Variants in PLCE1 observed in about 807,000 individuals in gnomAD.
PLCE1 encodes phospholipase C epsilon 1, also known as 1-phosphatidylinositol 4,5-bisphosphate phosphodiesterase epsilon-1.
In PLCE1, 119 loss-of-function variants were observed where a neutral mutation model predicts 242.8. The observed-to-expected ratio is 0.49, with a 90% CI of 0.42 to 0.57. PLCE1 has a LOEUF of 0.57. Ranked by LOEUF, PLCE1 falls within the 20% of genes least tolerant of loss-of-function variation. The pLI, the probability that PLCE1 is intolerant of heterozygous loss-of-function variation, is 0.00. For synonymous variants in PLCE1, 945 were observed against 1,017.4 expected (o/e 0.93, Z 1.35); for missense variants, 2,441 against 2,788.8 (o/e 0.88, Z 2.81).
intron 19 of PLCE1, among the ~76,000 whole-genome samples, chr10:94,276,876 C>T (rs1297394798): frequency 4.6e-5 from 7 of 152,198 alleles, no homozygotes; most frequent in Admixed American, 4.6e-4. Flanking sequence ...TTTTCTAAGA[C>T]TGCTTGCAAC....
intron 2 of PLCE1, among the ~76,000 whole-genome samples, chr10:94,122,484 TAAGCTGG>T (rs1423706860): frequency 6.6e-6 from 1 of 152,226 alleles, no homozygotes; most frequent in Non-Finnish European, 1.5e-5. Context: ...TTGGAAATAT[TAAGCTGG>T]AAGCATCACT....
intron 7 of PLCE1, among the ~76,000 whole-genome samples, chr10:94,241,880 A>G (rs1157731690): frequency 1.3e-5 from 2 of 152,162 alleles, no homozygotes; most frequent in Admixed American, 6.5e-5. Flanking sequence ...AAAAGTGCAA[A>G]GAATTGGTCT....
chr10:94,312,487 C>A (rs978639793), intron 27 of PLCE1, among the ~76,000 whole-genome samples: 1 of 152,216 alleles, frequency 6.6e-6, no homozygotes, highest in Non-Finnish European at 1.5e-5. Context: ...TTGGGGTTCT[C>A]TTGTCTCATT....
chr10:94,235,871 G>A, intron 6 of PLCE1, 44 bp from the exon 7 acceptor site: 5 of 1,541,862 alleles, frequency 3.2e-6, no homozygotes, highest in African/African-American at 2.7e-5. Flanking sequence ...ATGTTATCCA[G>A]GCATATTAAG....
intron 2 of PLCE1, chr10:94,089,416 T>C (rs1253793993): frequency 2.0e-6 from 3 of 1,485,458 alleles, no homozygotes; most frequent in South Asian, 1.3e-5. Flanking sequence ...CCAGTGTTCT[T>C]AATGCATGGA....
chr10:94,032,291 T>G, intron 2 of PLCE1, 39 bp downstream of exon 2: 1 of 1,601,714 alleles, frequency 6.2e-7, no homozygotes, highest in Middle Eastern at 1.7e-4. Flanking sequence ...TCTTTAAACT[T>G]GCTTTTTTTT....
At position 94,058,031 on chromosome 10, in the gene PLCE1, C is replaced by A. The variant is rs114112257; in HGVS notation, c.1206+25779C>A. 9.5e-3 allele frequency among the ~76,000 whole-genome samples: 1,448 copies of A among 152,222 alleles called. 17 individuals carry two copies. Among genetic ancestry groups the A allele is most frequent in the African/African-American group, 0.032 (1,322 of 41,508 alleles). On this transcript the variant is annotated intron_variant, in intron 2 of 32. Transcript: ENST00000371380. ...CAGTGAACTAGATTAATTTTAAGAA[C>A]CTTCTAGGTATAATATTTTCAGTTT... is the stretch of plus-strand genomic sequence containing the variant.
At chr10:94,083,724 T>C (rs1336147980) in intron 2 of PLCE1, among the ~76,000 whole-genome samples, 4 of 152,244 alleles carry the variant, frequency 2.6e-5, no homozygotes, top group Non-Finnish European at 4.4e-5. Context: ...ATTATCCTAA[T>C]TTTAAGATCA....
chr10:94,171,182 C>T lies in PLCE1; in HGVS notation c.1495C>T (p.Arg499Cys), dbSNP rs61751493. 2.1e-3 allele frequency: 3,392 copies of T among 1,613,902 alleles called. 3 individuals carry two copies. Among genetic ancestry groups the T allele is most frequent in the Non-Finnish European group, 2.7e-3 (3,146 of 1,179,812 alleles). ...CGACTTCTGTTGCTTTGTTTTAGAA[C>T]GCCAGCCAGGCCCCTCTGTGGCCAA... ...GSTGRMMLKE[R>C]QPGPSVANSN... is the part of the protein sequence containing the mutation. Residue 499 changes from arginine to cysteine, a missense_variant and splice_region_variant, in exon 4 of 33, where the codon CGC becomes TGC. Physicochemically the swap from Arg to Cys is radical, Grantham distance 180. Around this residue, in one of 5 missense-constraint regions of PLCE1, gnomAD observed 733 missense variants for 754.2 expected, o/e 0.97. Transcript: ENST00000371380.
intron 27 of PLCE1, among the ~76,000 whole-genome samples, chr10:94,310,840 T>C (rs529769811): frequency 9.9e-5 from 15 of 152,244 alleles, no homozygotes; most frequent in African/African-American, 3.6e-4. Context: ...AGAGTTGGTG[T>C]CAGATCCCAC....
At chr10:94,079,043 G>A (rs1219504054) in intron 2 of PLCE1, among the ~76,000 whole-genome samples, 1 of 152,122 alleles carries the variant, frequency 6.6e-6, no homozygotes, top group Admixed American at 6.5e-5. Flanking sequence ...TTTCCCCAAT[G>A]TGGACAGAGT....
At chr10:94,293,447 A>G in intron 22 of PLCE1, 61 bp from the exon 23 acceptor site, 5 of 1,577,040 alleles carry the variant, frequency 3.2e-6, no homozygotes, top group South Asian at 1.1e-5. Context: ...ATGGGGATGG[A>G]AAATGTTGAG....
intron 22 of PLCE1, 115 bp from the exon 23 acceptor site, chr10:94,293,393 G>T (rs940793246): frequency 8.6e-7 from 1 of 1,167,906 alleles, no homozygotes; most frequent in Non-Finnish European, 1.3e-6. Context: ...TAGGGTTTCT[G>T]TACTAGGTTC....
At chr10:94,110,383 G>A (rs1396733510) in intron 2 of PLCE1, among the ~76,000 whole-genome samples, 3 of 152,026 alleles carry the variant, frequency 2.0e-5, no homozygotes, top group Non-Finnish European at 4.4e-5. Flanking sequence ...TTTTCTAAGG[G>A]TTGTCAAGGA....
At position 94,132,402 on chromosome 10, in the gene PLCE1, G is replaced by A. The variant is rs1412024507; in HGVS notation, c.1435G>A (p.Ala479Thr). 7 of 1,614,060 alleles carry A rather than the reference G, an allele frequency of 4.3e-6. No individual in the cohort carries two copies. The East Asian group carries it at 1.3e-4, about 31-fold the overall frequency. Residue 479 changes from alanine to threonine, a missense_variant, in exon 3 of 33, where the codon GCA (alanine) becomes ACA (threonine). By Grantham distance (58) the Ala-to-Thr change is moderately conservative. Coordinates refer to ENST00000371380, the MANE Select transcript of PLCE1 (RefSeq NM_016341.4). ...SLLEATTSLG[A>T]RSGLLSTFGG... Reference sequence around the variant, plus strand: ...CCTAGAAGCAACCACGTCTTTGGGAGCAAGAAGTGGCCTTCTCAGTACTTT... The same window carrying A: ...CCTAGAAGCAACCACGTCTTTGGGAACAAGAAGTGGCCTTCTCAGTACTTT...
intron 24 of PLCE1, among the ~76,000 whole-genome samples, chr10:94,303,889 T>C (rs1290715634): frequency 1.3e-5 from 2 of 152,144 alleles, no homozygotes; most frequent in Non-Finnish European, 2.9e-5. Context: ...CAATACAGTA[T>C]GGCAACCATT....
intron 2 of PLCE1, among the ~76,000 whole-genome samples, chr10:94,115,942 ACACT>A (rs1379235369): frequency 1.3e-5 from 2 of 152,102 alleles, no homozygotes; most frequent in African/African-American, 4.8e-5. Context: ...CATGCAAGAG[ACACT>A]CAATGCAACA....
chr10:94,137,458 C>CA (rs947398114), intron 3 of PLCE1, among the ~76,000 whole-genome samples: 3 of 147,252 alleles, frequency 2.0e-5, no homozygotes, highest in Non-Finnish European at 4.5e-5. Context: ...CTAAAAATGG[C>CA]AAAATTAGAA....
intron 1 of PLCE1, among the ~76,000 whole-genome samples, chr10:94,012,036 C>T (rs1178808313): frequency 1.3e-5 from 2 of 152,180 alleles, no homozygotes; most frequent in East Asian, 3.9e-4. Context: ...TCTTCATCAG[C>T]ACTGATGTAG....
Sources: gnomAD v4.1 joint callset for allele counts (sites outside exome capture counted in the v4.1 genomes callset) on GRCh38, gnomAD v4.1.1 for gene constraint, gnomAD v4.1.1 regional missense constraint, MANE v1.5 for transcripts, NCBI Gene and HGNC (gene_info 2026-07-23, HGNC 2026-07-21) for gene names.